Variants in SCN2A observed in about 807,000 individuals in gnomAD.
The protein encoded by SCN2A is sodium channel protein type 2 subunit alpha.
Under a neutral mutation model 188.7 loss-of-function variants are expected in SCN2A, and 20 were observed. The observed-to-expected ratio is 0.11, with a 90% CI of 0.07 to 0.15. The LOEUF (loss-of-function observed/expected upper bound fraction) is 0.15, where lower values mean the gene tolerates loss of function less well. Among genes scored for constraint, SCN2A ranks in the 10% least tolerant of loss-of-function variants. The pLI, the probability that SCN2A is intolerant of heterozygous loss-of-function variation, is 1.00. For synonymous variants in SCN2A, 804 were observed against 833.1 expected, an observed-to-expected ratio of 0.97 and a Z score of 0.60; for missense variants, 1,278 against 2,445.0, an observed-to-expected ratio of 0.52 and a Z score of 10.07.
chr2:165,388,249 C>T (rs1701973772), intron 26 of SCN2A, among the ~76,000 whole-genome samples: 1 of 152,114 alleles, frequency 6.6e-6, no homozygotes, highest in South Asian at 2.1e-4. Flanking sequence ...CTCTCATATT[C>T]CTGACCCAAA....
intron 16 of SCN2A, among the ~76,000 whole-genome samples, chr2:165,346,918 C>T (rs1040577644): frequency 2.0e-5 from 3 of 152,100 alleles, no homozygotes; most frequent in East Asian, 1.9e-4. Context: ...GTTAGAATGG[C>T]GATCATTAAA....
chr2:165,247,890 C>A (rs1206858204), intron 1 of SCN2A, among the ~76,000 whole-genome samples: 1 of 152,190 alleles, frequency 6.6e-6, no homozygotes, highest in East Asian at 1.9e-4. Flanking sequence ...TCCCAACCAA[C>A]CTGCTCCAAT....
intron 1 of SCN2A, among the ~76,000 whole-genome samples, chr2:165,265,137 T>C (rs184996018): frequency 6.6e-6 from 1 of 152,140 alleles, no homozygotes; most frequent in East Asian, 1.9e-4. Context: ...GCAGTATCTG[T>C]TATTTTTTTA....
chr2:165,374,167 C>T (rs532690947), intron 21 of SCN2A, among the ~76,000 whole-genome samples: 11 of 151,932 alleles, frequency 7.2e-5, no homozygotes, highest in Non-Finnish European at 1.3e-4. Flanking sequence ...GTGTTATTAG[C>T]GGTAAAATTC....
At chr2:165,246,761 C>G (rs976322196) in intron 1 of SCN2A, among the ~76,000 whole-genome samples, 1 of 152,024 alleles carries the variant, frequency 6.6e-6, no homozygotes, top group Admixed American at 6.6e-5. Context: ...TGCAGCTGGA[C>G]GCATGCAAAA....
At chr2:165,256,980 T>A (rs1694356676) in intron 1 of SCN2A, among the ~76,000 whole-genome samples, 2 of 149,578 alleles carry the variant, frequency 1.3e-5, no homozygotes, top group African/African-American at 4.9e-5. Flanking sequence ...AAGTTAAAAC[T>A]TTTTTTTTTA....
chr2:165,329,301 C>G (rs892170642), intron 13 of SCN2A, among the ~76,000 whole-genome samples: 1 of 152,030 alleles, frequency 6.6e-6, no homozygotes, highest in African/African-American at 2.4e-5. Flanking sequence ...TCTGGTCACA[C>G]CTTTGTGAAG....
intron 1 of SCN2A, chr2:165,243,932 T>C (rs1693732415): frequency 6.6e-6 from 1 of 152,124 alleles, no homozygotes; most frequent in Non-Finnish European, 1.5e-5. Context: ...ATCAAGAATA[T>C]GAGATGAAAT....
chr2:165,373,006 C>T, intron 20 of SCN2A: 1 of 491,652 alleles, frequency 2.0e-6, no homozygotes, highest in Non-Finnish European at 3.7e-6. Flanking sequence ...AGACTAGTAT[C>T]ATTAACTTCA....
In SCN2A at chr2:165,295,842, G is replaced by C; in HGVS notation, c.19G>C (p.Val7Leu). 6.2e-7 allele frequency: 1 copy of C among 1,614,098 alleles called. No homozygotes were observed. The highest frequency in any genetic ancestry group is 8.5e-7 in the Non-Finnish European group (1 of 1,180,020). The part of the protein sequence containing the change: MAQSVL[V>L]PPGPDSFRFF... ...TGAAAAGATGGCACAGTCAGTGCTG[G>C]TACCGCCAGGACCTGACAGCTTCCG... The change falls in exon 2 of 27, where the codon GTA becomes CTA. Residue 7 changes from valine to leucine, a missense_variant. By Grantham distance (32) the Val-to-Leu change is conservative. Coordinates refer to ENST00000375437, the MANE Select transcript of SCN2A (RefSeq NM_001040142.2).
Position 165,265,489 on chromosome 2 carries a change from A to C in SCN2A, c.-52+25849A>C, listed in dbSNP as rs1220142324. ...TGTTGATCTATATATATATATATAT[A>C]TATATATATATATATATATATATAT... is the stretch of plus-strand genomic sequence containing the variant. On this transcript the variant is annotated intron_variant, in intron 1 of 26. Transcript: ENST00000375437. 1.0e-3 allele frequency among the ~76,000 whole-genome samples: 119 copies of C among 113,700 alleles called. 2 individuals carry two copies. In the East Asian group the frequency reaches 0.021, roughly 20 times the overall value. 74.6% of individuals were successfully genotyped at this position (113,700 alleles called of 152,430 possible).
chr2:165,357,060 TTGGAGGGGTTTTTAATTC>T (rs1199747399), intron 17 of SCN2A, among the ~76,000 whole-genome samples: 1 of 152,162 alleles, frequency 6.6e-6, no homozygotes, highest in Non-Finnish European at 1.5e-5. Flanking sequence ...TTAACATTAT[TTGGAGGGGTTTTTAATTC>T]TGGCTTTATA....
chr2:165,316,786 G>T (rs978008728), intron 11 of SCN2A, among the ~76,000 whole-genome samples: 5 of 152,032 alleles, frequency 3.3e-5, no homozygotes, highest in Admixed American at 3.3e-4. Context: ...TAACAGTTCT[G>T]TAGAATAGTA....
At chr2:165,373,817 G>C (rs1045534895) in intron 21 of SCN2A, among the ~76,000 whole-genome samples, 1 of 151,940 alleles carries the variant, frequency 6.6e-6, no homozygotes, top group Non-Finnish European at 1.5e-5. Flanking sequence ...GAAATCTAAC[G>C]CTCATTTAGA....
At chr2:165,309,547 A>G in intron 6 of SCN2A, 104 bp downstream of exon 6, 2 of 1,372,948 alleles carry the variant, frequency 1.5e-6, no homozygotes, top group Non-Finnish European at 2.1e-6. Flanking sequence ...GCAAATAAAT[A>G]TGTAAAAAAG....
At chr2:165,261,406 G>A (rs1051893822) in intron 1 of SCN2A, among the ~76,000 whole-genome samples, 1 of 152,212 alleles carries the variant, frequency 6.6e-6, no homozygotes, top group Non-Finnish European at 1.5e-5. Flanking sequence ...AACAAGGAAA[G>A]CAAGGTTGTC....
At chr2:165,377,519 A>C (rs998082626) in intron 22 of SCN2A, 78 bp from the exon 23 acceptor site, 17 of 1,262,672 alleles carry the variant, frequency 1.3e-5, no homozygotes, top group Non-Finnish European at 1.9e-5. Context: ...TGTCAAATAG[A>C]ATTTTGATCA....
At chr2:165,350,071 G>T (rs1699804964) in intron 16 of SCN2A, among the ~76,000 whole-genome samples, 1 of 152,186 alleles carries the variant, frequency 6.6e-6, no homozygotes, top group Non-Finnish European at 1.5e-5. Flanking sequence ...ATTTTTATGA[G>T]CCATTCTTAG....
intron 25 of SCN2A, among the ~76,000 whole-genome samples, chr2:165,383,075 T>C (rs1701687932): frequency 6.6e-6 from 1 of 152,166 alleles, no homozygotes; most frequent in Admixed American, 6.6e-5. Context: ...AATCCATTTA[T>C]TCCTGCATTG....
Sources: gnomAD v4.1 joint callset for allele counts (sites outside exome capture counted in the v4.1 genomes callset) on GRCh38, gnomAD v4.1.1 for gene constraint, MANE v1.5 for transcripts, NCBI Gene and HGNC (gene_info 2026-07-23, HGNC 2026-07-21) for gene names.